CLEC7A: variants seen among roughly 807,000 people sequenced by gnomAD.
The protein encoded by CLEC7A is C-type lectin domain family 7 member A.
CLEC7A carries 25 observed loss-of-function variants against 26.9 expected under a neutral mutation model. The observed-to-expected ratio is 0.93, with a 90% CI of 0.68 to 1.30. The LOEUF is 1.30. Among genes scored for constraint, CLEC7A ranks in the 50% most tolerant of loss-of-function variants. The pLI is 0.00. For missense variants in CLEC7A, 275 were observed against 286.7 expected, an observed-to-expected ratio of 0.96 and a Z score of 0.29; for synonymous variants, 100 against 99.5, an observed-to-expected ratio of 1.01 and a Z score of -0.03.
chr12:10,127,963 C>G, intron 1 of CLEC7A, 118 bp from the exon 2 acceptor site: 1 of 679,430 alleles, frequency 1.5e-6, no homozygotes, highest in Non-Finnish European at 2.5e-6. Flanking sequence ...ACCTGTAATC[C>G]CAGAAGGGAG....
At chr12:10,124,261 A>G (rs1948199888) in intron 4 of CLEC7A, among the ~76,000 whole-genome samples, 1 of 152,222 alleles carries the variant, frequency 6.6e-6, no homozygotes, top group African/African-American at 2.4e-5. Flanking sequence ...CTTTAATATA[A>G]ATTATTACTA....
chr12:10,116,874 T>C lies in CLEC7A; in HGVS notation c.*1584A>G, dbSNP rs566870430. The C allele has an allele frequency of 6.6e-6, 1 of 152,302 alleles. No homozygotes were observed. The highest frequency in any genetic ancestry group is 6.5e-5 in the Admixed American group (1 of 15,296). 9.4% of individuals were successfully genotyped at this position (152,302 alleles called of 1,614,324 possible). The stretch of plus-strand genomic sequence containing the variant: ...ATTTAGTAAAATTGGTACAATTTCT[T>C]TTCACATATTAATCAACATTAGAGG... On this transcript the variant is annotated 3_prime_UTR_variant, in exon 6 of 6. Transcript: ENST00000304084.
chr12:10,121,764 G>C (rs1403027730), intron 5 of CLEC7A, among the ~76,000 whole-genome samples: 1 of 152,126 alleles, frequency 6.6e-6, no homozygotes, highest in South Asian at 2.1e-4. Context: ...AGTTTGAGAT[G>C]GAATAGCAAA....
Position 10,117,391 on chromosome 12 carries a change from G to A in CLEC7A, c.*1067C>T, listed in dbSNP as rs1054229395. ...TAAAAAAATACAAAATTAGCCGGGT[G>A]TGGTGGTGCCTGACTGTAATCCCAG... is the stretch of plus-strand genomic sequence containing the variant. On this transcript the variant is annotated 3_prime_UTR_variant, in exon 6 of 6. Coordinates refer to ENST00000304084, the MANE Select transcript of CLEC7A (RefSeq NM_197947.3). 15 of 152,144 alleles carry A rather than the reference G, an allele frequency of 9.9e-5. No homozygotes were observed. The highest frequency in any genetic ancestry group is 9.2e-4 in the Admixed American group (14 of 15,280). 9.4% of individuals were successfully genotyped at this position (152,144 alleles called of 1,614,324 possible). A position where few individuals can be genotyped will look rare whatever the true frequency, so the allele number is the denominator to read the frequency against.
At chr12:10,125,180 CAAAAAAAA>C in intron 4 of CLEC7A, 109 bp downstream of exon 4, 1 of 598,972 alleles carries the variant, frequency 1.7e-6, no homozygotes, top group Non-Finnish European at 2.6e-6. Context: ...GACTCTGCCT[CAAAAAAAA>C]AAAAAAAAAA....
At chr12:10,120,254 G>C (rs11835081) in intron 5 of CLEC7A, among the ~76,000 whole-genome samples, 2,054 of 152,222 alleles carry the variant, frequency 0.013, 48 homozygotes, top group African/African-American at 0.047. Context: ...AAAAAAGATG[G>C]GGAAAAGCAA....
Position 10,123,281 on chromosome 12 carries a change from C to G in CLEC7A, c.575G>C (p.Trp192Ser). The change falls in exon 5 of 6, where the codon TGG becomes TCG. Residue 192 changes from tryptophan (W) to serine (S), a missense_variant. By Grantham distance (177) the Trp-to-Ser change is radical. Transcript: ENST00000304084. Reference protein sequence around the residue: ...GLSRPQTEVPWLWEDGSTFSS... With the variant: ...GLSRPQTEVPSLWEDGSTFSS... Reference sequence around the variant, plus strand: ...GAATGTTGATCCATCCTCCCAGAGCCATGGTACCTCAGTCTGGGGCCGAGA... The same window carrying G: ...GAATGTTGATCCATCCTCCCAGAGCGATGGTACCTCAGTCTGGGGCCGAGA... The G allele has an allele frequency of 1.2e-6, 2 of 1,612,746 alleles. No homozygotes were observed. Among genetic ancestry groups the G allele is most frequent in the Non-Finnish European group, 1.7e-6 (2 of 1,178,730 alleles).
Position 10,126,590 on chromosome 12 carries a change from G to C in CLEC7A, c.321C>G (p.Thr107=). Reference sequence around the variant, plus strand: ...CCTTGCCTGTGGTTTTGACAGCTTTGGTAGGAGTCACACTGTCTTCTAAAG... The same window carrying C: ...CCTTGCCTGTGGTTTTGACAGCTTTCGTAGGAGTCACACTGTCTTCTAAAG... ...QSSLEDSVTP[T]KAVKTTGVLS... is the part of the protein sequence containing the mutation. The change falls in exon 3 of 6, where the codon ACC becomes ACG. Residue 107 remains threonine, a synonymous_variant. Transcript: ENST00000304084. 1 of 1,607,630 alleles carries C rather than the reference G, an allele frequency of 6.2e-7. No homozygotes were observed. Among genetic ancestry groups the C allele is most frequent in the Non-Finnish European group, 8.5e-7 (1 of 1,177,196 alleles).
chr12:10,123,232 T>G lies in CLEC7A; in HGVS notation c.611+13A>C. ...GAGAAAAAGGATGAAGCATTGTCTC[T>G]CCAAACACTTACAAGTTAGAAGAGA... is the stretch of plus-strand genomic sequence containing the variant. On this transcript the variant is annotated intron_variant, in intron 5 of 5. Coordinates refer to ENST00000304084, the MANE Select transcript of CLEC7A (RefSeq NM_197947.3). 1.3e-6 allele frequency: 2 copies of G among 1,512,842 alleles called. No homozygotes were observed. Among genetic ancestry groups the G allele is most frequent in the Admixed American group, 1.7e-5 (1 of 59,764 alleles). The allele number at this position is 1,512,842 out of a possible 1,614,324, so 93.7% of individuals were successfully genotyped here.
At chr12:10,127,481 A>G (rs753104926) in intron 2 of CLEC7A, 3 of 1,604,114 alleles carry the variant, frequency 1.9e-6, no homozygotes, top group Non-Finnish European at 2.6e-6. Flanking sequence ...AGTTAAGAGT[A>G]TGAGTTTTTT....
chr12:10,119,005 A>G (rs56155255), intron 5 of CLEC7A, among the ~76,000 whole-genome samples: 20,092 of 152,118 alleles, frequency 0.13, 1,780 homozygotes, highest in African/African-American at 0.26. Context: ...ATGCTAAAAC[A>G]GATCTAGAAC....
At chr12:10,126,788 A>G in intron 2 of CLEC7A, 80 bp from the exon 3 acceptor site, 1 of 1,097,600 alleles carries the variant, frequency 9.1e-7, no homozygotes, top group Non-Finnish European at 1.3e-6. Flanking sequence ...CAAAACCCAA[A>G]TGTTATTGGA....
intron 5 of CLEC7A, among the ~76,000 whole-genome samples, chr12:10,119,328 G>A (rs1433447913): frequency 2.6e-5 from 4 of 152,164 alleles, no homozygotes; most frequent in South Asian, 2.1e-4. Context: ...TTGCTTTAGC[G>A]ATGACTAAGG....
chr12:10,127,895 T>C (rs1948350114), intron 1 of CLEC7A, 50 bp from the exon 2 acceptor site: 15 of 1,267,486 alleles, frequency 1.2e-5, no homozygotes, highest in South Asian at 5.9e-5. Flanking sequence ...GAATGACGGA[T>C]GGTGGGGCAG....
At chr12:10,123,209 G>A (rs1331925918) in intron 5 of CLEC7A, 36 bp downstream of exon 5, 6 of 1,363,208 alleles carry the variant, frequency 4.4e-6, no homozygotes, top group Middle Eastern at 1.8e-4. Flanking sequence ...ACCTCTCTGA[G>A]AAAAAGGATG....
At chr12:10,125,647 A>G (rs1948257009) in intron 3 of CLEC7A, among the ~76,000 whole-genome samples, 199 bp from the exon 4 acceptor site, 1 of 152,228 alleles carries the variant, frequency 6.6e-6, no homozygotes, top group Non-Finnish European at 1.5e-5. Context: ...AAAATTTAAA[A>G]ACAAACTAGC....
At chr12:10,127,255 G>A in intron 2 of CLEC7A, 6 of 1,386,120 alleles carry the variant, frequency 4.3e-6, no homozygotes, top group Non-Finnish European at 5.8e-6. Flanking sequence ...AATTTCTGGT[G>A]TATTCAAAGG....
chr12:10,125,602 C>A (rs1948255701), intron 3 of CLEC7A, among the ~76,000 whole-genome samples, 154 bp from the exon 4 acceptor site: 1 of 152,148 alleles, frequency 6.6e-6, no homozygotes, highest in Non-Finnish European at 1.5e-5. Context: ...TATGATTTTA[C>A]AGATGAGAAT....
intron 5 of CLEC7A, among the ~76,000 whole-genome samples, chr12:10,119,867 A>G (rs1032188674): frequency 6.6e-6 from 1 of 152,152 alleles, no homozygotes; most frequent in African/African-American, 2.4e-5. Flanking sequence ...AAACAGATAC[A>G]TATAGAAAAT....
Sources: gnomAD v4.1 joint callset for allele counts (sites outside exome capture counted in the v4.1 genomes callset) on GRCh38, gnomAD v4.1.1 for gene constraint, MANE v1.5 for transcripts, NCBI Gene and HGNC (gene_info 2026-07-23, HGNC 2026-07-21) for gene names.